The following PNLDC1 variants were observed in gnomAD, a reference collection of about 807,000 sequenced individuals.
The protein encoded by PNLDC1 is PARN like ribonuclease domain containing exonuclease 1.
PNLDC1 carries 70 observed loss-of-function variants against 82.0 expected under a neutral mutation model. The observed-to-expected ratio is 0.85, with a 90% CI of 0.70 to 1.04. The LOEUF is 1.04. Ranked by LOEUF, PNLDC1 falls within the 50% of genes least tolerant of loss-of-function variation. The probability of loss-of-function intolerance (pLI) is 0.00; values close to 1 mark genes in which losing one functional copy is unlikely to be tolerated. For synonymous variants in PNLDC1, 280 were observed against 249.3 expected (o/e 1.12, Z -1.16); for missense variants, 631 against 661.1 (o/e 0.95, Z 0.50).
In PNLDC1 at chr6:159,818,553, A is replaced by C. The variant is rs942321864; in HGVS notation, c.1158-2A>C. 1 of 1,613,310 alleles carries C rather than the reference A, an allele frequency of 6.2e-7. No homozygotes were observed. Among genetic ancestry groups the C allele is most frequent in the Non-Finnish European group, 8.5e-7 (1 of 1,179,950 alleles). The stretch of plus-strand genomic sequence containing the variant: ...CAGCTTTGGGGTTTTCTGTCCTTGC[A>C]GCATCGACCCCGTGCCCGAGTCATC... On this transcript the variant is annotated splice_acceptor_variant, in intron 15 of 18. Transcript: ENST00000392167. LOFTEE classifies it high-confidence loss of function.
chr6:159,816,105 G>T, intron 13 of PNLDC1, 72 bp downstream of exon 13: 2 of 866,152 alleles, frequency 2.3e-6, no homozygotes, highest in South Asian at 4.6e-5. Context: ...GCTTGTCCTT[G>T]ACCCTGGTTC....
At chr6:159,813,545 CAG>C (rs923655792) in intron 11 of PNLDC1, 54 bp from the exon 12 acceptor site, 17 of 1,504,462 alleles carry the variant, frequency 1.1e-5, no homozygotes, top group African/African-American at 5.5e-5. Flanking sequence ...CTGCCTGAAA[CAG>C]AGAATAAACA....
At position 159,818,671 on chromosome 6, in the gene PNLDC1, TG is replaced by T; in HGVS notation, c.1257+19del. ...CCAAAGATCGTGAGTAGATCTCATT[TG>T]GCCCCCTCGCCCCATTCAGAGTTCA... On this transcript the variant is annotated intron_variant, in intron 16 of 18. Coordinates refer to ENST00000392167, the MANE Select transcript of PNLDC1 (RefSeq NM_001271862.2). The T allele has an allele frequency of 6.2e-7, 1 of 1,605,110 alleles. No homozygotes were observed. Among genetic ancestry groups the T allele is most frequent in the South Asian group, 1.1e-5 (1 of 90,826 alleles).
intron 13 of PNLDC1, 37 bp from the exon 14 acceptor site, chr6:159,816,506 G>C (rs1781835421): frequency 2.5e-6 from 4 of 1,605,308 alleles, no homozygotes; most frequent in African/African-American, 2.7e-5. Context: ...TCTAATGACT[G>C]CTCAATTCTC....
chr6:159,800,222 T>C (rs1433870215), upstream of PNLDC1: 12 of 1,367,546 alleles, frequency 8.8e-6, no homozygotes, highest in Non-Finnish European at 1.2e-5. Flanking sequence ...GTGCGCCCTT[T>C]AAGACCCGGC....
Position 159,818,937 on chromosome 6 carries a change from G to A in PNLDC1, c.1258-9G>A. ...GTGGAAAATCTCTTGTGTTCTGCATGTTTTCTAGAATTTTTCTGGTCCAGA... is the reference window on the plus strand; with the variant it reads ...GTGGAAAATCTCTTGTGTTCTGCATATTTTCTAGAATTTTTCTGGTCCAGA... On this transcript the variant is annotated splice_polypyrimidine_tract_variant and intron_variant, in intron 16 of 18. Coordinates refer to ENST00000392167, the MANE Select transcript of PNLDC1 (RefSeq NM_001271862.2). 6.2e-7 allele frequency: 1 copy of A among 1,613,198 alleles called. No homozygotes were observed. Among genetic ancestry groups the A allele is most frequent in the Non-Finnish European group, 8.5e-7 (1 of 1,179,540 alleles).
rs149134524 is a variant in PNLDC1, at chr6:159,812,288, A to G, written c.939+502A>G. ...TCCTTTTGTATTTTGGCACCTGTGC[A>G]TCATTGTATTAGCTTATATATGACT... On this transcript the variant is annotated intron_variant, in intron 11 of 18. Coordinates refer to ENST00000392167, the MANE Select transcript of PNLDC1 (RefSeq NM_001271862.2). Among the ~76,000 whole-genome samples, 907 of 152,272 alleles carry G rather than the reference A, an allele frequency of 6.0e-3. 10 individuals are homozygous for G. Among genetic ancestry groups the G allele is most frequent in the African/African-American group, 0.021 (873 of 41,560 alleles).
In PNLDC1 at chr6:159,819,295, T is replaced by A; in HGVS notation, c.1475T>A (p.Leu492Gln). 6.2e-7 allele frequency: 1 copy of A among 1,613,960 alleles called. No individual in the cohort carries two copies. The highest frequency in any genetic ancestry group is 8.5e-7 in the Non-Finnish European group (1 of 1,180,018). The change falls in exon 18 of 19, where the codon CTG (leucine) becomes CAG (glutamine). Residue 492 changes from leucine (L) to glutamine (Q), a missense_variant. By Grantham distance (113) the Leu-to-Gln change is moderately radical. Transcript: ENST00000392167. The surrounding 1 kb of genome is among the most constrained non-coding windows in gnomAD (Gnocchi z 4.6). ...ILKEYRDHPTLCISLYRYWRH... is the reference protein window; with the variant it reads ...ILKEYRDHPTQCISLYRYWRH... ...AAGGAGTACCGGGACCACCCGACCC[T>A]GTGCATCTCCCTGTACCGCTACTGG...
At chr6:159,817,038 A>G (rs1781858449) in intron 14 of PNLDC1, 71 bp from the exon 15 acceptor site, 2 of 1,424,564 alleles carry the variant, frequency 1.4e-6, no homozygotes, top group African/African-American at 1.4e-5. Context: ...TGGCTTGCAC[A>G]TAATGAGATA....
chr6:159,805,289 C>G (rs1461863237), intron 6 of PNLDC1, among the ~76,000 whole-genome samples: 2 of 152,112 alleles, frequency 1.3e-5, no homozygotes, highest in Non-Finnish European at 2.9e-5. Flanking sequence ...GGTACCCTCA[C>G]CTGGAGCCAA....
chr6:159,817,336 G>A (rs889362096), intron 15 of PNLDC1, among the ~76,000 whole-genome samples, 185 bp downstream of exon 15: 3 of 152,218 alleles, frequency 2.0e-5, no homozygotes, highest in Non-Finnish European at 2.9e-5. Context: ...TGCCACAGGA[G>A]TAGCCCTTCC....
At chr6:159,800,545 A>T (rs1276065824) in intron 1 of PNLDC1, 162 bp downstream of exon 1, 1 of 1,339,810 alleles carries the variant, frequency 7.5e-7, no homozygotes, top group Non-Finnish European at 1.0e-6. Flanking sequence ...TGGGACTTTG[A>T]GCAGCAAGTA....
At chr6:159,816,107 C>T in intron 13 of PNLDC1, 74 bp downstream of exon 13, 2 of 1,128,570 alleles carry the variant, frequency 1.8e-6, no homozygotes, top group Non-Finnish European at 2.4e-6. Flanking sequence ...TTGTCCTTGA[C>T]CCTGGTTCCC....
At chr6:159,802,899 T>C (rs907260485) in intron 3 of PNLDC1, among the ~76,000 whole-genome samples, 1 of 152,208 alleles carries the variant, frequency 6.6e-6, no homozygotes, top group East Asian at 1.9e-4. Context: ...CTTTTTTTTT[T>C]TTAACTTTGC....
rs1253938850 is a variant in PNLDC1 at position 159,808,781 on chromosome 6, C to G, written c.604C>G (p.Leu202Val). Reference protein sequence around the residue: ...FEVQLVLRQALPNIWTVLKDE... With the variant: ...FEVQLVLRQAVPNIWTVLKDE... ...GGTCCAACTGGTGCTGAGGCAGGCC[C>G]TCCCCAACATCTGGACGGTGCTGAA... The change falls in exon 8 of 19, where the codon CTC becomes GTC. Residue 202 changes from leucine to valine, a missense_variant. Transcript: ENST00000392167. The G allele has an allele frequency of 6.2e-7, 1 of 1,614,098 alleles. No individual in the cohort carries two copies. Among genetic ancestry groups the G allele is most frequent in the East Asian group, 2.2e-5 (1 of 44,880 alleles).
rs543502417 is a variant in PNLDC1, at chr6:159,808,205, C to T, written c.563-535C>T. 2.6e-4 allele frequency among the ~76,000 whole-genome samples: 39 copies of T among 152,314 alleles called. 1 individual carries two copies. In the South Asian group the frequency reaches 4.8e-3, roughly 19 times the overall value. ...CTGGGATTACAGGCATGAGCCACTG[C>T]GCCCAGCCGTGAGGCTGGATTTTCT... On this transcript the variant is annotated intron_variant, in intron 7 of 18. Transcript: ENST00000392167.
At chr6:159,813,481 A>G (rs953531764) in intron 11 of PNLDC1, 120 bp from the exon 12 acceptor site, 22 of 820,972 alleles carry the variant, frequency 2.7e-5, no homozygotes, top group Admixed American at 5.6e-5. Context: ...TTGAAGAGAA[A>G]GAGGAGGTTG....
At chr6:159,803,758 G>A (rs1054979506) in intron 4 of PNLDC1, among the ~76,000 whole-genome samples, 3 of 152,158 alleles carry the variant, frequency 2.0e-5, no homozygotes, top group African/African-American at 7.2e-5. Context: ...GGCTGTCTCT[G>A]TGGTATACGC....
rs116210007 is a variant in PNLDC1, at chr6:159,817,727, G to A, written c.1157+576G>A. 6.6e-3 allele frequency among the ~76,000 whole-genome samples: 1,012 copies of A among 152,354 alleles called. 12 individuals carry two copies. The highest frequency in any genetic ancestry group is 0.023 in the African/African-American group (943 of 41,576). ...CTACAGCACCGTCCTTGGCATGCACGTTAGTTAAGTAGGACTTAGCCAGCC... is the reference window on the plus strand; with the variant it reads ...CTACAGCACCGTCCTTGGCATGCACATTAGTTAAGTAGGACTTAGCCAGCC... On this transcript the variant is annotated intron_variant, in intron 15 of 18. Coordinates refer to ENST00000392167, the MANE Select transcript of PNLDC1 (RefSeq NM_001271862.2).
Sources: gnomAD v4.1 joint callset for allele counts (sites outside exome capture counted in the v4.1 genomes callset) on GRCh38, gnomAD v4.1.1 for gene constraint, Gnocchi (gnomAD v3.1) non-coding constraint, MANE v1.5 for transcripts, NCBI Gene and HGNC (gene_info 2026-07-23, HGNC 2026-07-21) for gene names.